EIF4H: variants seen among roughly 807,000 people sequenced by gnomAD.
The protein encoded by EIF4H is Williams-Beuren syndrome chromosome region 1.
EIF4H carries 8 observed loss-of-function variants against 30.6 expected under a neutral mutation model. The ratio of observed to expected loss-of-function variants is 0.26; its 90% CI spans 0.15 to 0.47. The LOEUF is 0.47. EIF4H is among the 20% of genes least tolerant of loss of function. The pLI, the probability that EIF4H is intolerant of heterozygous loss-of-function variation, is 0.99. For missense variants in EIF4H, 188 were observed against 339.5 expected (o/e 0.55, Z 3.51); for synonymous variants, 106 against 122.7 (o/e 0.86, Z 0.90).
intron 1 of EIF4H, 93 bp from the exon 2 acceptor site, chr7:74,187,518 G>A: frequency 6.2e-6 from 8 of 1,281,420 alleles, no homozygotes; most frequent in Non-Finnish European, 8.4e-6. Context: ...CCTCACCTGG[G>A]GCGCTGGCGG....
rs1438466905 is a variant in EIF4H at position 74,196,901 on chromosome 7, AC to A, written c.*1595del. 1 of 152,640 alleles carries A rather than the reference AC, an allele frequency of 6.6e-6. No individual in the cohort carries two copies. The highest frequency in any genetic ancestry group is 1.5e-5 in the Non-Finnish European group (1 of 68,052). 9.5% of individuals were successfully genotyped at this position (152,640 alleles called of 1,614,324 possible). ...TAATCAAACCCGATGCTTTCAGATG[AC>A]CTACTTACATCTTCAATGTGGATAA... is the stretch of plus-strand genomic sequence containing the variant. On this transcript the variant is annotated 3_prime_UTR_variant, in exon 7 of 7. Coordinates refer to ENST00000265753, the MANE Select transcript of EIF4H (RefSeq NM_022170.2).
At position 74,179,921 on chromosome 7, in the gene EIF4H, A is replaced by G. The variant is rs541029864; in HGVS notation, c.59+5479A>G. Among the ~76,000 whole-genome samples, 6 of 152,294 alleles carry G rather than the reference A, an allele frequency of 3.9e-5. No homozygotes were observed. The South Asian group carries it at 1.2e-3, about 32-fold the overall frequency. On this transcript the variant is annotated intron_variant, in intron 1 of 6. Coordinates refer to ENST00000265753, the MANE Select transcript of EIF4H (RefSeq NM_022170.2). Reference sequence around the variant, plus strand: ...GCTTAAATTTTACCATTGGCAACAAATACTGTTATTTTGGCCAGGTGCTGT... The same window carrying G: ...GCTTAAATTTTACCATTGGCAACAAGTACTGTTATTTTGGCCAGGTGCTGT...
At chr7:74,179,866 A>G (rs1357926066) in intron 1 of EIF4H, among the ~76,000 whole-genome samples, 1 of 152,200 alleles carries the variant, frequency 6.6e-6, no homozygotes, top group African/African-American at 2.4e-5. Context: ...TGATGGATAC[A>G]GGTTTTCCGA....
chr7:74,174,933 G>T (rs1800803259), intron 1 of EIF4H, among the ~76,000 whole-genome samples: 1 of 152,254 alleles, frequency 6.6e-6, no homozygotes, highest in Non-Finnish European at 1.5e-5. Context: ...GCAGCCAAGA[G>T]GGGCGATTCC....
intron 1 of EIF4H, among the ~76,000 whole-genome samples, chr7:74,179,513 T>TC (rs1226057324): frequency 6.6e-6 from 1 of 151,660 alleles, no homozygotes. Flanking sequence ...GCCCCTGTAG[T>TC]CCCAGCTACT....
At chr7:74,195,092 A>G in intron 6 of EIF4H, 77 bp from the exon 7 acceptor site, 1 of 1,571,764 alleles carries the variant, frequency 6.4e-7, no homozygotes, top group African/African-American at 1.3e-5. Context: ...GTTTGCTGAC[A>G]GCAACATCAG....
At chr7:74,185,254 A>G (rs1201007823) in intron 1 of EIF4H, among the ~76,000 whole-genome samples, 2 of 152,068 alleles carry the variant, frequency 1.3e-5, no homozygotes, top group Non-Finnish European at 2.9e-5. Flanking sequence ...CAGCCTCCCA[A>G]ACTGTTGGGA....
chr7:74,194,941 AC>A (rs1254555562), intron 6 of EIF4H, 63 bp downstream of exon 6: 2 of 1,542,112 alleles, frequency 1.3e-6, no homozygotes, highest in South Asian at 1.2e-5. Flanking sequence ...GCCGGTTCAC[AC>A]CCCGTGGGGA....
chr7:74,195,339 G>C lies in EIF4H; in HGVS notation c.*31G>C. On this transcript the variant is annotated 3_prime_UTR_variant, in exon 7 of 7. Coordinates refer to ENST00000265753, the MANE Select transcript of EIF4H (RefSeq NM_022170.2). ...CGGTTGGGAGGGAATGGGGCGTGGGGGGTTAGAGCAGGACCACAGCCTGGT... is the reference window on the plus strand; with the variant it reads ...CGGTTGGGAGGGAATGGGGCGTGGGCGGTTAGAGCAGGACCACAGCCTGGT... 6.2e-7 allele frequency: 1 copy of C among 1,602,254 alleles called. No individual in the cohort carries two copies. Among genetic ancestry groups the C allele is most frequent in the Non-Finnish European group, 8.5e-7 (1 of 1,173,206 alleles).
At chr7:74,174,547 G>C (rs2115918805) in intron 1 of EIF4H, 105 bp downstream of exon 1, 2 of 1,101,666 alleles carry the variant, frequency 1.8e-6, no homozygotes, top group Admixed American at 4.7e-5. Context: ...CGGGAGGCGG[G>C]GGCCCGCGGA....
chr7:74,186,788 A>AATTTTTTTTTTTT (rs1801089805), intron 1 of EIF4H, among the ~76,000 whole-genome samples: 2 of 70,122 alleles, frequency 2.9e-5, no homozygotes, highest in East Asian at 4.5e-4. Flanking sequence ...ACAAGGAGAA[A>AATTTTTTTTTTTT]TTTTTTTTTT....
chr7:74,195,317 T>C lies in EIF4H; in HGVS notation c.*9T>C. 6.2e-7 allele frequency: 1 copy of C among 1,612,826 alleles called. No individual in the cohort carries two copies. The highest frequency in any genetic ancestry group is 1.1e-5 in the South Asian group (1 of 90,988). On this transcript the variant is annotated 3_prime_UTR_variant, in exon 7 of 7. Coordinates refer to ENST00000265753, the MANE Select transcript of EIF4H (RefSeq NM_022170.2). ...AAAAGGAGCAAGAATGAGCCTGCGGTTGGGAGGGAATGGGGCGTGGGGGGT... is the reference window on the plus strand; with the variant it reads ...AAAAGGAGCAAGAATGAGCCTGCGGCTGGGAGGGAATGGGGCGTGGGGGGT...
At chr7:74,182,883 A>C (rs1554708660) in intron 1 of EIF4H, among the ~76,000 whole-genome samples, 1 of 152,174 alleles carries the variant, frequency 6.6e-6, no homozygotes. Context: ...CTGGAAGTGG[A>C]GTCCCACTTC....
At position 74,191,076 on chromosome 7, in the gene EIF4H, T is replaced by C. The variant is rs149915586; in HGVS notation, c.469+770T>C. ...CCATCAAAACAAAACCGGTGTAAAG[T>C]AGTGGGTGAGTATGGGAGGGACTGG... On this transcript the variant is annotated intron_variant, in intron 5 of 6. Coordinates refer to ENST00000265753, the MANE Select transcript of EIF4H (RefSeq NM_022170.2). The C allele has an allele frequency of 8.9e-3, 4,101 of 458,288 alleles. 146 individuals are homozygous for C. Among genetic ancestry groups the C allele is most frequent in the Admixed American group, 0.08 (2,973 of 37,300 alleles). The allele number at this position is 458,288 out of a possible 1,614,324, so 28.4% of individuals were successfully genotyped here.
intron 5 of EIF4H, among the ~76,000 whole-genome samples, chr7:74,191,887 C>G (rs1409717535): frequency 1.3e-5 from 2 of 152,088 alleles, no homozygotes; most frequent in African/African-American, 4.8e-5. Context: ...TCATGCCATT[C>G]TCCTGCCTCA....
Position 74,195,393 on chromosome 7 carries a change from C to CAGGAGTGGCGGCTG in EIF4H, c.*85_*86insAGGAGTGGCGGCTG. The stretch of plus-strand genomic sequence containing the variant: ...TCCCCGGGCAGCCGTCCTGCAGCCG[C>CAGGAGTGGCGGCTG]CACTCCTGCGCCTGCCATTGGCCTC... On this transcript the variant is annotated 3_prime_UTR_variant, in exon 7 of 7. Coordinates refer to ENST00000265753, the MANE Select transcript of EIF4H (RefSeq NM_022170.2). The CAGGAGTGGCGGCTG allele has an allele frequency of 6.9e-7, 1 of 1,449,032 alleles. No homozygotes were observed. Among genetic ancestry groups the CAGGAGTGGCGGCTG allele is most frequent in the Non-Finnish European group, 9.2e-7 (1 of 1,084,198 alleles). 89.8% of individuals were successfully genotyped at this position (1,449,032 alleles called of 1,614,324 possible).
intron 1 of EIF4H, among the ~76,000 whole-genome samples, chr7:74,175,279 T>TA (rs1800812191): frequency 1.3e-5 from 2 of 152,216 alleles, no homozygotes; most frequent in Non-Finnish European, 1.5e-5. Flanking sequence ...CACTTTTTTT[T>TA]ATTTTATTTT....
intron 1 of EIF4H, among the ~76,000 whole-genome samples, chr7:74,181,598 A>G (rs1023646198): frequency 1.3e-5 from 2 of 151,352 alleles, no homozygotes; most frequent in African/African-American, 2.4e-5. Flanking sequence ...CACCTGGCAA[A>G]TTTTGTATTT....
chr7:74,174,371 G>C lies in EIF4H; in HGVS notation c.-13G>C. The C allele has an allele frequency of 6.9e-7, 1 of 1,449,408 alleles. No homozygotes were observed. The highest frequency in any genetic ancestry group is 9.2e-7 in the Non-Finnish European group (1 of 1,086,644). The allele number at this position is 1,449,408 out of a possible 1,614,324, so 89.8% of individuals were successfully genotyped here. ...CTCGCTCACCCTGGTTCCTCTCGGA[G>C]CGGAGACGGCAAATGGCGGACTTCG... On this transcript the variant is annotated 5_prime_UTR_variant, in exon 1 of 7. Transcript: ENST00000265753.
Sources: gnomAD v4.1 joint callset for allele counts (sites outside exome capture counted in the v4.1 genomes callset) on GRCh38, gnomAD v4.1.1 for gene constraint, MANE v1.5 for transcripts, NCBI Gene and HGNC (gene_info 2026-07-23, HGNC 2026-07-21) for gene names.